Variants in DDHD1 observed in about 807,000 individuals in gnomAD.
The protein encoded by DDHD1 is DDHD domain containing 1.
Under a neutral mutation model 96.4 loss-of-function variants are expected in DDHD1, and 49 were observed. The ratio of observed to expected loss-of-function variants is 0.51; its 90% confidence interval spans 0.40 to 0.64. DDHD1 has a LOEUF of 0.64. DDHD1 is among the 30% of genes least tolerant of loss of function. The pLI is 0.00. For missense variants in DDHD1, 1,106 were observed against 1,161.2 expected (o/e 0.95, Z 0.69); for synonymous variants, 442 against 446.5 (o/e 0.99, Z 0.13).
rs1176357643 is a variant in DDHD1, at chr14:53,058,500, T to C, written c.1969A>G (p.Ile657Val). 6.2e-7 allele frequency: 1 copy of C among 1,612,362 alleles called. No homozygotes were observed. The highest frequency in any genetic ancestry group is 1.1e-5 in the South Asian group (1 of 90,418). The change falls in exon 9 of 13, where the codon ATT becomes GTT. Residue 657 changes from isoleucine (I) to valine (V), a missense_variant. Ile to Val is a conservative substitution (Grantham distance 29). Coordinates refer to ENST00000673822, the MANE Select transcript of DDHD1 (RefSeq NM_001160148.2). ...PREICNRLLN[I>V]FHPTDPVAYR... ...ACCACTGGATCTGTAGGATGAAAAA[T>C]ATTTAGTAACCGGTTACAAATCTCT...
At position 53,042,797 on chromosome 14, in the gene DDHD1, C is replaced by T. The variant is rs567361991; in HGVS notation, c.*3971G>A. ...GTCAACTAACCCAAACATAGTTTAG[C>T]AAAACTTAGTTTCTTTTTCTAGTAT... On this transcript the variant is annotated 3_prime_UTR_variant, in exon 13 of 13. Coordinates refer to ENST00000673822, the MANE Select transcript of DDHD1 (RefSeq NM_001160148.2). 6.6e-6 allele frequency: 1 copy of T among 152,296 alleles called. No individual in the cohort carries two copies. Among genetic ancestry groups the T allele is most frequent in the African/African-American group, 2.4e-5 (1 of 41,570 alleles). 9.4% of individuals were successfully genotyped at this position (152,296 alleles called of 1,614,324 possible).
chr14:53,100,908 C>G (rs899702211), intron 2 of DDHD1, among the ~76,000 whole-genome samples: 3 of 152,136 alleles, frequency 2.0e-5, no homozygotes, highest in Non-Finnish European at 2.9e-5. Flanking sequence ...TGACTGTCTA[C>G]TACTATGTCT....
At chr14:53,077,033 A>G (rs1407491309) in intron 4 of DDHD1, among the ~76,000 whole-genome samples, 1 of 152,130 alleles carries the variant, frequency 6.6e-6, no homozygotes, top group African/African-American at 2.4e-5. Flanking sequence ...TCTTTGAGGT[A>G]TACCTGTAAT....
intron 2 of DDHD1, among the ~76,000 whole-genome samples, chr14:53,100,459 C>A (rs1222855370): frequency 1.3e-5 from 2 of 152,070 alleles, no homozygotes; most frequent in Non-Finnish European, 2.9e-5. Context: ...CAGAGAAAGA[C>A]CCTGTCTCCA....
intron 4 of DDHD1, among the ~76,000 whole-genome samples, chr14:53,081,680 T>C (rs747420761): frequency 2.0e-5 from 3 of 152,218 alleles, no homozygotes; most frequent in Non-Finnish European, 2.9e-5. Flanking sequence ...TGGGAAACCC[T>C]AATTTTGAGT....
In DDHD1 at chr14:53,040,021, T is replaced by G. The variant is rs939812317; in HGVS notation, c.*6747A>C. The G allele has an allele frequency of 7.2e-5, 11 of 152,166 alleles. No individual in the cohort carries two copies. Among genetic ancestry groups the G allele is most frequent in the Admixed American group, 5.9e-4 (9 of 15,268 alleles). 9.4% of individuals were successfully genotyped at this position (152,166 alleles called of 1,614,324 possible). A position where few individuals can be genotyped will look rare whatever the true frequency, so the allele number is the denominator to read the frequency against. ...CTAAGGTCAGCACCACCTCACGGAA[T>G]TGCACTGAAATTCCTAGACTGTTAA... On this transcript the variant is annotated 3_prime_UTR_variant, in exon 13 of 13. Transcript: ENST00000673822.
intron 1 of DDHD1, among the ~76,000 whole-genome samples, chr14:53,107,031 T>G (rs1454906848): frequency 1.3e-5 from 2 of 152,210 alleles, no homozygotes; most frequent in Non-Finnish European, 2.9e-5. Context: ...GATTTTTATT[T>G]GAATCTATTC....
chr14:53,127,047 A>C (rs1219400603), intron 1 of DDHD1, among the ~76,000 whole-genome samples: 1 of 152,232 alleles, frequency 6.6e-6, no homozygotes, highest in African/African-American at 2.4e-5. Context: ...AAAATTCATA[A>C]TGCTAACAAG....
At chr14:53,054,760 T>A in intron 10 of DDHD1, 131 bp from the exon 11 acceptor site, 3 of 731,902 alleles carry the variant, frequency 4.1e-6, no homozygotes, top group Non-Finnish European at 6.5e-6. Flanking sequence ...GGTGGGAACA[T>A]AAGAAAATTA....
chr14:53,087,534 A>G (rs1298671380), intron 4 of DDHD1, among the ~76,000 whole-genome samples: 1 of 152,224 alleles, frequency 6.6e-6, no homozygotes, highest in Non-Finnish European at 1.5e-5. Flanking sequence ...AATACATGGA[A>G]ACTGAACAAC....
In DDHD1 at chr14:53,152,782, C is replaced by G. The variant is rs117525276; in HGVS notation, c.317G>C (p.Gly106Ala). 68,431 of 1,606,588 alleles carry G rather than the reference C, an allele frequency of 0.043. 2,538 individuals are homozygous for G. Among genetic ancestry groups the G allele is most frequent in the Admixed American group, 0.16 (9,623 of 59,106 alleles). Residue 106 changes from glycine (G) to alanine (A), a missense_variant, in exon 1 of 13, where the codon GGT becomes GCT. Physicochemically the swap from Gly to Ala is moderately conservative, Grantham distance 60 (BLOSUM62 0). Transcript: ENST00000673822. ...GGAGCTGCCGCCGCCGCCGCTCTCA[C>G]CCTCGCTGTAGTAGCGCAGCGAGGA... ...SGSSLRYYSE[G>A]ESGGGGSSLS... is the part of the protein sequence containing the mutation.
chr14:53,138,677 G>A (rs1029524875), intron 1 of DDHD1, among the ~76,000 whole-genome samples: 10 of 152,098 alleles, frequency 6.6e-5, no homozygotes, highest in African/African-American at 2.4e-4. Flanking sequence ...TACTTAGGGG[G>A]AAGACATCAG....
chr14:53,086,635 A>G (rs1002333576), intron 4 of DDHD1, among the ~76,000 whole-genome samples: 1 of 152,198 alleles, frequency 6.6e-6, no homozygotes, highest in Non-Finnish European at 1.5e-5. Flanking sequence ...CTGCCTTACA[A>G]GAGCTCCTGA....
At chr14:53,079,366 T>C (rs754111628) in intron 4 of DDHD1, among the ~76,000 whole-genome samples, 5 of 152,104 alleles carry the variant, frequency 3.3e-5, no homozygotes, top group South Asian at 4.1e-4. Context: ...GGAACCGACA[T>C]GTACTATAGC....
chr14:53,107,489 A>T (rs952151401), intron 1 of DDHD1, among the ~76,000 whole-genome samples: 1 of 152,142 alleles, frequency 6.6e-6, no homozygotes, highest in Non-Finnish European at 1.5e-5. Flanking sequence ...AAAAGCATCC[A>T]ATTTAAAACT....
chr14:53,135,168 C>T (rs1028760822), intron 1 of DDHD1, among the ~76,000 whole-genome samples: 4 of 152,190 alleles, frequency 2.6e-5, no homozygotes, highest in Non-Finnish European at 4.4e-5. Context: ...CCCCTGTGAC[C>T]TGCAGGTATA....
At chr14:53,105,279 G>T (rs576119108) in intron 1 of DDHD1, among the ~76,000 whole-genome samples, 1 of 151,864 alleles carries the variant, frequency 6.6e-6, no homozygotes, top group South Asian at 2.1e-4. Flanking sequence ...CCCATTAAAA[G>T]AAACCAAGAG....
chr14:53,061,597 A>G (rs572505874), intron 7 of DDHD1, among the ~76,000 whole-genome samples: 1 of 152,166 alleles, frequency 6.6e-6, no homozygotes, highest in East Asian at 1.9e-4. Flanking sequence ...TTTTTTTGTA[A>G]CAACTATGAC....
At chr14:53,140,708 A>G (rs1344274641) in intron 1 of DDHD1, among the ~76,000 whole-genome samples, 1 of 152,230 alleles carries the variant, frequency 6.6e-6, no homozygotes, top group Non-Finnish European at 1.5e-5. Flanking sequence ...ATAGAAAATT[A>G]GTAGCAGGAT....
Sources: gnomAD v4.1 joint callset for allele counts (sites outside exome capture counted in the v4.1 genomes callset) on GRCh38, gnomAD v4.1.1 for gene constraint, MANE v1.5 for transcripts, NCBI Gene and HGNC (gene_info 2026-07-23, HGNC 2026-07-21) for gene names.